The following WWOX variants were observed in gnomAD, a reference collection of about 807,000 sequenced individuals.
The protein encoded by WWOX is WW domain containing oxidoreductase.
In WWOX, 69 loss-of-function variants were observed where a neutral mutation model predicts 46.2. That is an observed-to-expected ratio of 1.49 (90% CI 1.23 to 1.82). WWOX has a LOEUF of 1.82. Among genes scored for constraint, WWOX ranks in the 40% most tolerant of loss-of-function variants. The pLI, the probability that WWOX is intolerant of heterozygous loss-of-function variation, is 0.00. For missense variants in WWOX, 919 were observed against 542.6 expected (o/e 1.69, Z -6.89); for synonymous variants, 359 against 202.6 (o/e 1.77, Z -6.56).
At chr16:78,702,666 CAA>C (rs59090960) in intron 8 of WWOX, among the ~76,000 whole-genome samples, 1 of 134,490 alleles carries the variant, frequency 7.4e-6, no homozygotes, top group Non-Finnish European at 1.6e-5. Context: ...AAAAAAAGAA[CAA>C]AAAAAAAAAA....
chr16:78,432,554 C>G lies in WWOX; in HGVS notation c.858C>G (p.Asp286Glu), dbSNP rs1431354259. ...DFSRLSPTKN[D>E]YWAMLAYNRS... ...GTCGCCTCTCTCCAACAAAAAACGA[C>G]TATTGGGCGATGCTGGCTTATAACA... The change falls in exon 8 of 9, where the codon GAC becomes GAG. Residue 286 changes from aspartate to glutamate, a missense_variant. Coordinates refer to ENST00000566780, the MANE Select transcript of WWOX (RefSeq NM_016373.4). The G allele has an allele frequency of 1.2e-6, 2 of 1,614,200 alleles. No homozygotes were observed. The highest frequency in any genetic ancestry group is 1.1e-5 in the South Asian group (1 of 91,084).
intron 8 of WWOX, chr16:79,110,789 G>C (rs902505456): frequency 1.3e-5 from 2 of 152,210 alleles, no homozygotes; most frequent in Admixed American, 1.3e-4. Flanking sequence ...CCAGTACCCA[G>C]TTTGAATCCC....
intron 8 of WWOX, among the ~76,000 whole-genome samples, chr16:78,771,500 G>A (rs1339861666): frequency 6.6e-6 from 1 of 152,142 alleles, no homozygotes; most frequent in Admixed American, 6.5e-5. Context: ...CGCTGGGTGC[G>A]GTGGCTCACG....
chr16:78,267,768 T>C (rs2151843276), intron 5 of WWOX, among the ~76,000 whole-genome samples: 1 of 152,260 alleles, frequency 6.6e-6, no homozygotes, highest in East Asian at 1.9e-4. Context: ...GATTGATTGA[T>C]TGATTGATTG....
intron 8 of WWOX, among the ~76,000 whole-genome samples, chr16:79,175,805 GC>G (rs1451835092): frequency 2.0e-5 from 3 of 152,110 alleles, no homozygotes; most frequent in Admixed American, 6.6e-5. Context: ...GTCCCAATGT[GC>G]CCTTTTTGTC....
intron 8 of WWOX, among the ~76,000 whole-genome samples, chr16:79,193,169 C>T (rs555826366): frequency 1.1e-4 from 16 of 152,196 alleles, no homozygotes; most frequent in Non-Finnish European, 1.8e-4. Flanking sequence ...CAATACAGAA[C>T]AGAAAGCACA....
At position 78,752,197 on chromosome 16, in the gene WWOX, A is replaced by G. The variant is rs555852192; in HGVS notation, c.1056+319445A>G. ...GATGCGTACTGAAAATATACCTTTAAGTAGTTGAGTGACTTGAAATATTGG... is the reference window on the plus strand; with the variant it reads ...GATGCGTACTGAAAATATACCTTTAGGTAGTTGAGTGACTTGAAATATTGG... On this transcript the variant is annotated intron_variant, in intron 8 of 8. Transcript: ENST00000566780. 2.0e-5 allele frequency among the ~76,000 whole-genome samples: 3 copies of G among 152,322 alleles called. No homozygotes were observed. The East Asian group carries it at 5.8e-4, about 29-fold the overall frequency.
intron 8 of WWOX, among the ~76,000 whole-genome samples, chr16:78,772,435 A>G (rs755354154): frequency 5.9e-5 from 9 of 152,086 alleles, no homozygotes; most frequent in Admixed American, 2.0e-4. Context: ...TTTTAATCCA[A>G]TCTGTCATTT....
intron 8 of WWOX, among the ~76,000 whole-genome samples, chr16:78,517,335 C>G (rs1047524826): frequency 3.9e-5 from 4 of 103,296 alleles, no homozygotes; most frequent in African/African-American, 1.5e-4. Flanking sequence ...CCCCTTTATT[C>G]TTGGTTCTCT....
chr16:78,965,414 C>G (rs1222649333), intron 8 of WWOX, among the ~76,000 whole-genome samples: 1 of 151,860 alleles, frequency 6.6e-6, no homozygotes, highest in Non-Finnish European at 1.5e-5. Context: ...ACTGTAAATA[C>G]AAAAAATTAG....
chr16:78,216,611 C>G (rs1304912122), intron 5 of WWOX, among the ~76,000 whole-genome samples: 2 of 152,070 alleles, frequency 1.3e-5, no homozygotes. Flanking sequence ...GATTGCATCT[C>G]TCTGTCTTTC....
intron 8 of WWOX, among the ~76,000 whole-genome samples, chr16:78,641,260 C>T (rs1343725107): frequency 6.6e-6 from 1 of 151,752 alleles, no homozygotes; most frequent in Non-Finnish European, 1.5e-5. Flanking sequence ...AAGGAAAAGG[C>T]AGAGAAGCCC....
At chr16:78,299,312 C>T (rs1214339313) in intron 5 of WWOX, among the ~76,000 whole-genome samples, 3 of 152,124 alleles carry the variant, frequency 2.0e-5, no homozygotes, top group African/African-American at 2.4e-5. Flanking sequence ...GGCCACTTCT[C>T]ACCTTCAGAG....
intron 8 of WWOX, among the ~76,000 whole-genome samples, chr16:78,722,698 G>GTTTTT (rs56266240): frequency 5.2e-5 from 6 of 116,306 alleles, no homozygotes; most frequent in Middle Eastern, 4.3e-3. Context: ...GTTTGTCTCT[G>GTTTTT]TTTTTTTTTT....
At chr16:78,192,242 C>T (rs950343787) in intron 5 of WWOX, among the ~76,000 whole-genome samples, 1 of 152,016 alleles carries the variant, frequency 6.6e-6, no homozygotes, top group African/African-American at 2.4e-5. Context: ...TGCCTGTAAT[C>T]CCAGCACTTT....
intron 8 of WWOX, among the ~76,000 whole-genome samples, chr16:78,578,284 A>ATATATATATATATATATATTTT (rs1555567122): frequency 4.8e-5 from 1 of 20,832 alleles, no homozygotes; most frequent in Non-Finnish European, 8.1e-5. Flanking sequence ...ATATATATAT[A>ATATATATATATATATATATTTT]TTTTTTTTTT....
intron 8 of WWOX, among the ~76,000 whole-genome samples, chr16:78,704,027 C>G (rs906749290): frequency 6.6e-6 from 1 of 152,176 alleles, no homozygotes; most frequent in East Asian, 1.9e-4. Flanking sequence ...AACCATCACC[C>G]CTATCCATCT....
intron 8 of WWOX, among the ~76,000 whole-genome samples, chr16:78,787,174 A>G (rs992859019): frequency 2.0e-5 from 3 of 152,140 alleles, no homozygotes; most frequent in African/African-American, 7.2e-5. Flanking sequence ...CAAACAAAAC[A>G]AAAAAAGTTC....
intron 8 of WWOX, among the ~76,000 whole-genome samples, chr16:78,621,787 A>C (rs2046195920): frequency 6.6e-6 from 1 of 150,930 alleles, no homozygotes; most frequent in Non-Finnish European, 1.5e-5. Flanking sequence ...TGTATTTTTT[A>C]GTAAAGATGG....
Sources: gnomAD v4.1 joint callset for allele counts (sites outside exome capture counted in the v4.1 genomes callset) on GRCh38, gnomAD v4.1.1 for gene constraint, MANE v1.5 for transcripts, NCBI Gene and HGNC (gene_info 2026-07-23, HGNC 2026-07-21) for gene names.